Variants in CNBD1 observed in about 807,000 individuals in gnomAD.
CNBD1 encodes the protein cyclic nucleotide binding domain containing 1.
CNBD1 carries 71 observed loss-of-function variants against 54.4 expected under a neutral mutation model. The ratio of observed to expected loss-of-function variants is 1.30; its 90% CI spans 1.08 to 1.59. The LOEUF is 1.59. Among genes scored for constraint, CNBD1 ranks in the 40% most tolerant of loss-of-function variants. The pLI is 0.00. For missense variants in CNBD1, 659 were observed against 518.0 expected (o/e 1.27, Z -2.64); for synonymous variants, 182 against 170.7 (o/e 1.07, Z -0.51).
rs1054591878 is a variant in CNBD1, at chr8:87,302,104, T to C, written c.1042+15433T>C. ...TTCCTTCTGAAACTATTCCAATCAA[T>C]AGAAAAAGAGGGAATCCTCCCTAAC... On this transcript the variant is annotated intron_variant, in intron 8 of 10. Transcript: ENST00000518476. 1.0e-3 allele frequency among the ~76,000 whole-genome samples: 156 copies of C among 152,058 alleles called. 2 individuals carry two copies. Among genetic ancestry groups the C allele is most frequent in the Non-Finnish European group, 1.3e-3 (87 of 67,992 alleles).
chr8:87,231,462 G>A (rs1008506017), intron 5 of CNBD1, among the ~76,000 whole-genome samples: 1 of 152,154 alleles, frequency 6.6e-6, no homozygotes, highest in Admixed American at 6.5e-5. Flanking sequence ...CATCAAGCTT[G>A]GGAAGGATGT....
At chr8:87,264,892 G>A (rs1047221129) in intron 6 of CNBD1, among the ~76,000 whole-genome samples, 10 of 151,908 alleles carry the variant, frequency 6.6e-5, no homozygotes, top group African/African-American at 1.9e-4. Flanking sequence ...TGTAGATTTC[G>A]GATATTAGCC....
At chr8:87,357,324 C>A (rs1039103052) in intron 10 of CNBD1, among the ~76,000 whole-genome samples, 1 of 152,132 alleles carries the variant, frequency 6.6e-6, no homozygotes, top group Admixed American at 6.6e-5. Flanking sequence ...GCACTCTGAG[C>A]CTGGAAAAGC....
intron 6 of CNBD1, among the ~76,000 whole-genome samples, chr8:87,266,021 A>G (rs1186507651): frequency 2.0e-5 from 3 of 152,128 alleles, no homozygotes; most frequent in African/African-American, 4.8e-5. Context: ...TAAGAAAAAT[A>G]TAGTACACTG....
intron 8 of CNBD1, among the ~76,000 whole-genome samples, chr8:87,348,018 T>C (rs879526098): frequency 6.6e-6 from 1 of 152,202 alleles, no homozygotes; most frequent in Non-Finnish European, 1.5e-5. Context: ...TCTATAACTG[T>C]TTTCCAAATC....
intron 8 of CNBD1, among the ~76,000 whole-genome samples, chr8:87,293,219 T>C (rs537500954): frequency 6.6e-6 from 1 of 152,194 alleles, no homozygotes; most frequent in African/African-American, 2.4e-5. Flanking sequence ...GTTGCTTTTG[T>C]TGTGGCAATG....
chr8:87,309,086 C>T (rs1809213373), intron 8 of CNBD1, among the ~76,000 whole-genome samples: 1 of 151,960 alleles, frequency 6.6e-6, no homozygotes, highest in Non-Finnish European at 1.5e-5. Context: ...TGCTGATTTT[C>T]GTTCTTTTGG....
intron 5 of CNBD1, among the ~76,000 whole-genome samples, chr8:87,220,357 C>CT (rs909881658): frequency 3.9e-5 from 6 of 151,948 alleles, no homozygotes; most frequent in African/African-American, 1.4e-4. Context: ...TAGTGATATC[C>CT]TTTTAGGGAG....
chr8:87,011,803 A>G (rs1809228623), intron 4 of CNBD1, among the ~76,000 whole-genome samples: 1 of 152,168 alleles, frequency 6.6e-6, no homozygotes, highest in African/African-American at 2.4e-5. Flanking sequence ...GTTTTTATGG[A>G]AGACTAATTG....
At chr8:87,312,978 G>A (rs573292671) in intron 8 of CNBD1, among the ~76,000 whole-genome samples, 9 of 151,994 alleles carry the variant, frequency 5.9e-5, no homozygotes, top group Non-Finnish European at 8.8e-5. Context: ...CCTAAATTTC[G>A]CAAACGACAT....
At chr8:86,959,782 C>T (rs1246813834) in intron 4 of CNBD1, among the ~76,000 whole-genome samples, 7 of 152,226 alleles carry the variant, frequency 4.6e-5, no homozygotes, top group South Asian at 2.1e-4. Flanking sequence ...AGCTTCCTTG[C>T]GATGGGCTCA....
intron 4 of CNBD1, among the ~76,000 whole-genome samples, chr8:87,081,016 T>C (rs1380391225): frequency 6.6e-6 from 1 of 151,992 alleles, no homozygotes; most frequent in East Asian, 1.9e-4. Flanking sequence ...CTCTTTTCAA[T>C]TACATTTATT....
At chr8:87,236,428 C>T (rs2130825353) in intron 5 of CNBD1, among the ~76,000 whole-genome samples, 1 of 152,152 alleles carries the variant, frequency 6.6e-6, no homozygotes, top group Admixed American at 6.5e-5. Context: ...GCCACCCTCT[C>T]CAAACTGTCT....
Position 87,206,020 on chromosome 8 carries a change from C to CA in CNBD1, c.463dup (p.Thr155AsnfsTer18). ...CCATTCACAGGACGCCATATGAACA[C>CA]AAAACTGTGTGGAAGTTCCTGAAAA... is the stretch of plus-strand genomic sequence containing the variant. On this transcript the variant is annotated frameshift_variant, in exon 5 of 11. Transcript: ENST00000518476. LOFTEE classifies it high-confidence loss of function. 1 of 1,579,812 alleles carries CA rather than the reference C, an allele frequency of 6.3e-7. No homozygotes were observed. Among genetic ancestry groups the CA allele is most frequent in the Non-Finnish European group, 8.6e-7 (1 of 1,164,652 alleles).
intron 4 of CNBD1, among the ~76,000 whole-genome samples, chr8:87,013,970 AAAAT>A (rs890360698): frequency 6.6e-6 from 1 of 151,810 alleles, no homozygotes; most frequent in Non-Finnish European, 1.5e-5. Context: ...ATAAAAGTCT[AAAAT>A]AAAAAAAAAA....
At chr8:87,428,554 C>G (rs1047044385) in exon 3 of CNBD1, 4 of 451,326 alleles carry the variant, frequency 8.9e-6, no homozygotes, top group African/African-American at 8.1e-5. Context: ...AGAATTAGAC[C>G]CAGTGACCAA....
intron 1 of CNBD1, among the ~76,000 whole-genome samples, chr8:86,881,448 A>G (rs1256290621): frequency 6.6e-6 from 1 of 152,206 alleles, no homozygotes; most frequent in African/African-American, 2.4e-5. Context: ...ATACCTAGGA[A>G]TACAGCTAAC....
chr8:87,322,826 A>G (rs1809567533), intron 8 of CNBD1, among the ~76,000 whole-genome samples: 1 of 105,110 alleles, frequency 9.5e-6, no homozygotes. Context: ...CCATTTGTCA[A>G]TTTTGTCTTT....
chr8:87,388,380 A>AG, intron 2 of CNBD1, among the ~76,000 whole-genome samples: 1 of 148,344 alleles, frequency 6.7e-6, no homozygotes, highest in African/African-American at 2.5e-5. Context: ...GAAAAAAGAG[A>AG]AGAATCAAAT....
Sources: allele counts gnomAD v4.1 joint callset (sites outside exome capture counted in the v4.1 genomes callset), GRCh38; gene constraint gnomAD v4.1.1; transcripts MANE v1.5; gene names NCBI Gene and HGNC (gene_info 2026-07-23, HGNC 2026-07-21).